DSCAM: variants seen among roughly 807,000 people sequenced by gnomAD.
DSCAM encodes DS cell adhesion molecule, also known as cell adhesion molecule DSCAM.
Under a neutral mutation model 217.7 loss-of-function variants are expected in DSCAM, and 47 were observed. The ratio of observed to expected loss-of-function variants is 0.22; its 90% CI spans 0.17 to 0.28. DSCAM has a LOEUF of 0.28. Among genes scored for constraint, DSCAM ranks in the 10% least tolerant of loss-of-function variants. DSCAM has a pLI of 1.00. For missense variants in DSCAM, 2,080 were observed against 2,618.3 expected (o/e 0.79, Z 4.49); for synonymous variants, 1,056 against 1,015.3 (o/e 1.04, Z -0.76).
At chr21:40,226,814 C>T (rs571228108) in intron 11 of DSCAM, among the ~76,000 whole-genome samples, 1 of 152,028 alleles carries the variant, frequency 6.6e-6, no homozygotes, top group Non-Finnish European at 1.5e-5. Context: ...ACTTGTGTCA[C>T]GGGGGTTTGT....
intron 3 of DSCAM, among the ~76,000 whole-genome samples, chr21:40,648,170 A>G (rs1238548954): frequency 6.6e-6 from 1 of 151,722 alleles, no homozygotes. Context: ...ATCTGGGGTG[A>G]TACTAAAATA....
chr21:40,677,959 A>G (rs988372777), intron 3 of DSCAM, among the ~76,000 whole-genome samples: 2 of 147,500 alleles, frequency 1.4e-5, no homozygotes, highest in African/African-American at 5.0e-5. Context: ...TGCAGCCCAA[A>G]CAATCTAAGA....
intron 3 of DSCAM, among the ~76,000 whole-genome samples, chr21:40,669,171 C>T (rs990601281): frequency 2.6e-5 from 4 of 152,070 alleles, no homozygotes; most frequent in South Asian, 2.1e-4. Context: ...AGACCCTAGA[C>T]GAATCTCTCC....
At chr21:40,611,097 C>T (rs1274771630) in intron 3 of DSCAM, among the ~76,000 whole-genome samples, 2 of 140,210 alleles carry the variant, frequency 1.4e-5, no homozygotes, top group East Asian at 2.1e-4. Context: ...CTCACCGTGT[C>T]GTCCAGGCTG....
At chr21:40,779,418 T>A (rs1415384106) in intron 1 of DSCAM, among the ~76,000 whole-genome samples, 1 of 152,212 alleles carries the variant, frequency 6.6e-6, no homozygotes, top group Non-Finnish European at 1.5e-5. Flanking sequence ...GCCAAATTTA[T>A]CTGAAGGAAG....
chr21:40,793,679 C>T (rs1170566212), intron 1 of DSCAM, among the ~76,000 whole-genome samples: 5 of 151,900 alleles, frequency 3.3e-5, no homozygotes, highest in African/African-American at 4.8e-5. Context: ...TTAGTAGAGA[C>T]GGGGTTCCAC....
intron 3 of DSCAM, among the ~76,000 whole-genome samples, chr21:40,678,890 CCTTGA>C (rs1302772587): frequency 2.6e-5 from 4 of 152,204 alleles, no homozygotes; most frequent in Non-Finnish European, 1.5e-5. Context: ...GTCAGCCTCG[CCTTGA>C]CTTGCACTGT....
intron 1 of DSCAM, among the ~76,000 whole-genome samples, chr21:40,730,575 G>A (rs920083865): frequency 8.5e-5 from 13 of 152,192 alleles, no homozygotes; most frequent in South Asian, 4.1e-4. Flanking sequence ...AGAAAATAAC[G>A]CCCATAGCAT....
At chr21:40,533,010 G>C (rs1348423423) in intron 3 of DSCAM, among the ~76,000 whole-genome samples, 1 of 151,516 alleles carries the variant, frequency 6.6e-6, no homozygotes, top group Non-Finnish European at 1.5e-5. Flanking sequence ...GTCATCCGAA[G>C]CCTGGACAGA....
intron 1 of DSCAM, among the ~76,000 whole-genome samples, chr21:40,724,684 C>T (rs2090936012): frequency 6.6e-6 from 1 of 152,164 alleles, no homozygotes; most frequent in African/African-American, 2.4e-5. Context: ...TGACTGGTAC[C>T]TCAGCATAAA....
chr21:40,373,540 G>A (rs764809869), intron 3 of DSCAM, among the ~76,000 whole-genome samples: 1 of 152,108 alleles, frequency 6.6e-6, no homozygotes, highest in African/African-American at 2.4e-5. Flanking sequence ...TGGGATGAAG[G>A]GGCTACTGAT....
chr21:40,353,496 A>T lies in DSCAM; in HGVS notation c.903T>A (p.Thr301=). ...CGTACAGGCGGCCTATCACCTTAGC[A>T]GTTCCGTATCTGTTGGACACTTCAC... ...YVCEVSNRYG[T]AKVIGRLYVK... is the part of the protein sequence containing the mutation. Residue 301 remains threonine (T), a synonymous_variant, in exon 5 of 33, where the codon ACT becomes ACA. Transcript: ENST00000400454. The T allele has an allele frequency of 1.9e-6, 3 of 1,611,258 alleles. No individual in the cohort carries two copies. Among genetic ancestry groups the T allele is most frequent in the Non-Finnish European group, 2.5e-6 (3 of 1,179,088 alleles).
At chr21:40,753,363 T>G (rs557421453) in intron 1 of DSCAM, among the ~76,000 whole-genome samples, 1 of 152,254 alleles carries the variant, frequency 6.6e-6, no homozygotes, top group South Asian at 2.1e-4. Context: ...ATAAAGACAA[T>G]GAAACTGAAA....
At chr21:40,832,140 C>T (rs6517621) in intron 1 of DSCAM, among the ~76,000 whole-genome samples, 105,112 of 152,118 alleles carry the variant, frequency 0.69, 36,462 homozygotes, top group East Asian at 0.77. Flanking sequence ...TGAACAGAGG[C>T]GTAGTCCTCA....
At chr21:40,734,029 A>G (rs1048304790) in intron 1 of DSCAM, among the ~76,000 whole-genome samples, 1 of 152,176 alleles carries the variant, frequency 6.6e-6, no homozygotes, top group Admixed American at 6.5e-5. Context: ...TTACTGTTGA[A>G]TCTTAAACAG....
intron 3 of DSCAM, among the ~76,000 whole-genome samples, chr21:40,536,340 T>G (rs1327536456): frequency 6.6e-6 from 1 of 151,914 alleles, no homozygotes; most frequent in Non-Finnish European, 1.5e-5. Context: ...CCATCTAAGA[T>G]TCAAAGGTTT....
At chr21:40,213,023 C>A (rs1340930857) in intron 11 of DSCAM, among the ~76,000 whole-genome samples, 1 of 152,134 alleles carries the variant, frequency 6.6e-6, no homozygotes, top group East Asian at 1.9e-4. Context: ...CCAGAAGGCA[C>A]CAGCCCTGCT....
intron 3 of DSCAM, among the ~76,000 whole-genome samples, chr21:40,483,571 TTTC>T (rs1326761263): frequency 7.2e-5 from 11 of 152,344 alleles, no homozygotes; most frequent in African/African-American, 2.6e-4. Flanking sequence ...TGATAATTTT[TTTC>T]TTTTTATTTT....
At chr21:40,837,688 C>A (rs1601330326) in intron 1 of DSCAM, among the ~76,000 whole-genome samples, 1 of 152,312 alleles carries the variant, frequency 6.6e-6, no homozygotes, top group East Asian at 1.9e-4. Context: ...TGTGCATTTC[C>A]TTTTCACTAG....
Sources: gnomAD v4.1 joint callset for allele counts (sites outside exome capture counted in the v4.1 genomes callset) on GRCh38, gnomAD v4.1.1 for gene constraint, MANE v1.5 for transcripts, NCBI Gene and HGNC (gene_info 2026-07-23, HGNC 2026-07-21) for gene names.